OSBPL8: variants seen among roughly 807,000 people sequenced by gnomAD.
OSBPL8 encodes oxysterol binding protein like 8.
A neutral mutation model predicts 125.5 loss-of-function variants in OSBPL8; 59 were observed. That is an observed-to-expected ratio of 0.47 (90% confidence interval 0.38 to 0.58). OSBPL8 has a LOEUF of 0.58. OSBPL8 is among the 20% of genes least tolerant of loss of function. The pLI is 0.00. For missense variants in OSBPL8, 758 were observed against 1,047.8 expected (o/e 0.72, Z 3.82); for synonymous variants, 330 against 338.9 (o/e 0.97, Z 0.29).
At chr12:76,406,811 C>T (rs1349768190) in intron 5 of OSBPL8, among the ~76,000 whole-genome samples, 2 of 152,004 alleles carry the variant, frequency 1.3e-5, no homozygotes, top group Non-Finnish European at 2.9e-5. Flanking sequence ...CAAGGTCTCG[C>T]TAGGTTGCCC....
rs1232613627 is a variant in OSBPL8 at position 76,526,014 on chromosome 12, A to ATAGTGGTTACTTGGATATATACATAG, written c.-68+33357_-68+33382dup. ...GGAAATAGTCTATATCTTCACTTGA[A>ATAGTGGTTACTTGGATATATACATAG]TAGTGGTTACTTGGATATATACATA... On this transcript the variant is annotated intron_variant, in intron 1 of 23. Coordinates refer to ENST00000261183, the MANE Select transcript of OSBPL8 (RefSeq NM_020841.5). Among the ~76,000 whole-genome samples the ATAGTGGTTACTTGGATATATACATAG allele has an allele frequency of 2.6e-5, 4 of 152,360 alleles. No homozygotes were observed. In the East Asian group the frequency reaches 7.7e-4, roughly 29 times the overall value.
intron 5 of OSBPL8, among the ~76,000 whole-genome samples, chr12:76,408,999 TA>T (rs201077823): frequency 2.2e-4 from 32 of 148,702 alleles, no homozygotes; most frequent in South Asian, 6.3e-4. Flanking sequence ...ATCTTTTTTT[TA>T]AAAAAAAAAC....
intron 4 of OSBPL8, among the ~76,000 whole-genome samples, chr12:76,430,918 G>A (rs1267537239): frequency 2.6e-5 from 4 of 152,062 alleles, no homozygotes. Context: ...CAACATAAAA[G>A]CATATGAAAG....
chr12:76,544,091 C>A (rs1022630564), intron 1 of OSBPL8, among the ~76,000 whole-genome samples: 1 of 152,136 alleles, frequency 6.6e-6, no homozygotes, highest in African/African-American at 2.4e-5. Flanking sequence ...AATTAACATA[C>A]AAATAAAGGT....
chr12:76,461,776 C>T (rs1008346211), intron 2 of OSBPL8, among the ~76,000 whole-genome samples: 1 of 152,076 alleles, frequency 6.6e-6, no homozygotes, highest in Non-Finnish European at 1.5e-5. Context: ...ATGCCCAATC[C>T]CCACTATCCT....
chr12:76,381,099 A>G (rs1953029129), intron 15 of OSBPL8, among the ~76,000 whole-genome samples: 1 of 152,112 alleles, frequency 6.6e-6, no homozygotes, highest in Admixed American at 6.5e-5. Context: ...TAATATACTG[A>G]TCATGATACC....
chr12:76,543,546 A>G (rs944190329), intron 1 of OSBPL8, among the ~76,000 whole-genome samples: 7 of 152,068 alleles, frequency 4.6e-5, no homozygotes, highest in African/African-American at 1.7e-4. Flanking sequence ...ATTTTCTACC[A>G]CTCCCCACAC....
At chr12:76,454,729 T>TAAA (rs140485885) in intron 3 of OSBPL8, among the ~76,000 whole-genome samples, 1 of 117,084 alleles carries the variant, frequency 8.5e-6, no homozygotes. Context: ...TTTAAAAAAT[T>TAAA]AAAAAAAAAA....
intron 4 of OSBPL8, chr12:76,422,808 T>C (rs1349720767): frequency 7.2e-6 from 2 of 278,512 alleles, no homozygotes; most frequent in African/African-American, 4.4e-5. Flanking sequence ...GACCAAAGAC[T>C]GTCAAATCAG....
intron 14 of OSBPL8, among the ~76,000 whole-genome samples, chr12:76,385,610 T>C (rs1284901730): frequency 2.0e-5 from 3 of 152,112 alleles, no homozygotes; most frequent in Non-Finnish European, 2.9e-5. Flanking sequence ...GCTGCAGTCA[T>C]GTGCATCATG....
intron 1 of OSBPL8, among the ~76,000 whole-genome samples, chr12:76,525,048 A>C (rs1270048069): frequency 6.6e-6 from 1 of 152,146 alleles, no homozygotes; most frequent in Non-Finnish European, 1.5e-5. Context: ...GTAAACTACA[A>C]AACAACTAGG....
chr12:76,464,816 C>T (rs1875201614), intron 2 of OSBPL8, among the ~76,000 whole-genome samples: 1 of 152,202 alleles, frequency 6.6e-6, no homozygotes, highest in African/African-American at 2.4e-5. Context: ...CTGTTGGCAC[C>T]TTTTCACCCA....
intron 21 of OSBPL8, among the ~76,000 whole-genome samples, chr12:76,361,524 T>C (rs1369795134): frequency 6.6e-6 from 1 of 152,226 alleles, no homozygotes; most frequent in Non-Finnish European, 1.5e-5. Flanking sequence ...CATTTCTGGG[T>C]ATCTTTTCAG....
chr12:76,500,683 G>A (rs1879808213), intron 1 of OSBPL8, among the ~76,000 whole-genome samples: 1 of 151,886 alleles, frequency 6.6e-6, no homozygotes, highest in African/African-American at 2.4e-5. Flanking sequence ...CTTCCTTCAA[G>A]GACTACATGC....
At chr12:76,445,217 C>A (rs960307844) in intron 4 of OSBPL8, among the ~76,000 whole-genome samples, 2 of 152,004 alleles carry the variant, frequency 1.3e-5, no homozygotes, top group African/African-American at 4.8e-5. Context: ...AGAGATCTAA[C>A]CAAGATGGTA....
At chr12:76,427,187 G>A (rs145086734) in intron 4 of OSBPL8, among the ~76,000 whole-genome samples, 1 of 152,024 alleles carries the variant, frequency 6.6e-6, no homozygotes, top group African/African-American at 2.4e-5. Flanking sequence ...AAACTACTTG[G>A]CAAACTAAAA....
intron 1 of OSBPL8, among the ~76,000 whole-genome samples, chr12:76,555,590 G>C (rs956447355): frequency 6.6e-6 from 1 of 152,168 alleles, no homozygotes; most frequent in Non-Finnish European, 1.5e-5. Flanking sequence ...ATTGAGGTAG[G>C]CACATTCATA....
At chr12:76,493,723 G>A (rs181573015) in intron 1 of OSBPL8, among the ~76,000 whole-genome samples, 1 of 152,252 alleles carries the variant, frequency 6.6e-6, no homozygotes, top group African/African-American at 2.4e-5. Flanking sequence ...AGACCTTTGA[G>A]ATTCCCATGC....
chr12:76,525,596 A>G (rs978846862), intron 1 of OSBPL8, among the ~76,000 whole-genome samples: 1 of 152,150 alleles, frequency 6.6e-6, no homozygotes, highest in South Asian at 2.1e-4. Context: ...AATTGGGGGG[A>G]AAAAACTTAA....
Sources: gnomAD v4.1 joint callset for allele counts (sites outside exome capture counted in the v4.1 genomes callset) on GRCh38, gnomAD v4.1.1 for gene constraint, MANE v1.5 for transcripts, NCBI Gene and HGNC (gene_info 2026-07-23, HGNC 2026-07-21) for gene names.